Variants in FOXRED2 observed in about 807,000 individuals in gnomAD.
The protein encoded by FOXRED2 is FAD-dependent oxidoreductase domain-containing protein 2.
Under a neutral mutation model 52.5 loss-of-function variants are expected in FOXRED2, and 32 were observed. That is an observed-to-expected ratio of 0.61 (90% CI 0.46 to 0.82). The LOEUF is 0.82. Among genes scored for constraint, FOXRED2 ranks in the 40% least tolerant of loss-of-function variants. FOXRED2 has a pLI of 0.00. For synonymous variants in FOXRED2, 405 were observed against 398.1 expected, an observed-to-expected ratio of 1.02 and a Z score of -0.21; for missense variants, 848 against 937.5, an observed-to-expected ratio of 0.90 and a Z score of 1.25.
chr22:36,504,063 C>T lies in FOXRED2; in HGVS notation c.1049+35G>A, dbSNP rs764591538. ...CCTAGGGAGGGGTCAGGAGGGTTTG[C>T]TAGGAGAGCCCACCTCCTTCCGCAT... is the stretch of plus-strand genomic sequence containing the variant. On this transcript the variant is annotated intron_variant, in intron 4 of 8. Coordinates refer to ENST00000397224, the MANE Select transcript of FOXRED2 (RefSeq NM_001102371.2). The T allele has an allele frequency of 1.3e-5, 20 of 1,598,656 alleles. 1 individual carries two copies. The South Asian group carries it at 1.8e-4, about 15-fold the overall frequency.
chr22:36,500,315 C>T (rs747627988), intron 5 of FOXRED2, among the ~76,000 whole-genome samples: 3 of 152,102 alleles, frequency 2.0e-5, no homozygotes, highest in Admixed American at 1.3e-4. Context: ...GGGGTGCTGG[C>T]GGCCCTGCCA....
At chr22:36,490,969 A>G (rs1008588036) in intron 8 of FOXRED2, among the ~76,000 whole-genome samples, 1 of 152,196 alleles carries the variant, frequency 6.6e-6, no homozygotes, top group African/African-American at 2.4e-5. Flanking sequence ...CAGCCTGGCC[A>G]ACATAATGAG....
In FOXRED2 at chr22:36,506,412, G is replaced by C. The variant is rs1427882712; in HGVS notation, c.11C>G (p.Ser4Cys). MGLSAAAPLWGPPG... is the reference protein window; with the variant it reads MGLCAAAPLWGPPG... ...GGGACCCCACAACGGGGCCGCAGCG[G>C]AGAGGCCCATCCTGCAGCAGATCAG... is the stretch of plus-strand genomic sequence containing the variant. Residue 4 changes from serine to cysteine, a missense_variant, in exon 2 of 9, where the codon TCC becomes TGC. Coordinates refer to ENST00000397224, the MANE Select transcript of FOXRED2 (RefSeq NM_001102371.2). 1 of 1,436,258 alleles carries C rather than the reference G, an allele frequency of 7.0e-7. No individual in the cohort carries two copies. Among genetic ancestry groups the C allele is most frequent in the African/African-American group, 1.4e-5 (1 of 69,600 alleles). 89.0% of individuals were successfully genotyped at this position (1,436,258 alleles called of 1,614,324 possible).
chr22:36,497,111 T>G (rs1027095303), intron 6 of FOXRED2, among the ~76,000 whole-genome samples: 3 of 150,894 alleles, frequency 2.0e-5, no homozygotes, highest in Admixed American at 6.6e-5. Flanking sequence ...ACCTGGGAGG[T>G]GGGCTGCAGT....
chr22:36,506,473 A>G, intron 1 of FOXRED2, 50 bp from the exon 2 acceptor site: 1 of 1,409,096 alleles, frequency 7.1e-7, no homozygotes, highest in Non-Finnish European at 9.2e-7. Flanking sequence ...GGCGGCTGGG[A>G]GACACGAGGC....
At position 36,506,152 on chromosome 22, in the gene FOXRED2, C is replaced by T. The variant is rs767729716; in HGVS notation, c.271G>A (p.Ala91Thr). The T allele has an allele frequency of 1.2e-6, 2 of 1,614,250 alleles. No individual in the cohort carries two copies. Among genetic ancestry groups the T allele is most frequent in the South Asian group, 1.1e-5 (1 of 91,092 alleles). The change falls in exon 2 of 9, where the codon GCC becomes ACC. Residue 91 changes from alanine (A) to threonine (T), a missense_variant. By Grantham distance (58) the Ala-to-Thr change is moderately conservative. Coordinates refer to ENST00000397224, the MANE Select transcript of FOXRED2 (RefSeq NM_001102371.2). ...CAGTCGTGGCGGAGGTTGAACTCGGCGTTAGCCTTGCCCGTGTACCGCTTG... is the reference window on the plus strand; with the variant it reads ...CAGTCGTGGCGGAGGTTGAACTCGGTGTTAGCCTTGCCCGTGTACCGCTTG... Reference protein sequence around the residue: ...INKRYTGKANAEFNLRHDWNS... With the variant: ...INKRYTGKANTEFNLRHDWNS...
At chr22:36,500,209 G>A (rs899222964) in intron 5 of FOXRED2, among the ~76,000 whole-genome samples, 2 of 152,174 alleles carry the variant, frequency 1.3e-5, no homozygotes, top group African/African-American at 4.8e-5. Context: ...CCTGGGCCTT[G>A]GAGTTTAATT....
intron 8 of FOXRED2, among the ~76,000 whole-genome samples, chr22:36,491,328 C>T (rs1330976591): frequency 6.6e-6 from 1 of 151,994 alleles, no homozygotes; most frequent in Admixed American, 6.6e-5. Flanking sequence ...GCCCAAATCT[C>T]ATGTTGAAAT....
intron 5 of FOXRED2, 49 bp from the exon 6 acceptor site, chr22:36,498,205 T>C: frequency 6.4e-7 from 1 of 1,569,938 alleles, no homozygotes; most frequent in South Asian, 1.2e-5. Context: ...CCATTTTATC[T>C]CTGGTCACTG....
At chr22:36,493,850 T>C in intron 7 of FOXRED2, 47 bp from the exon 8 acceptor site, 2 of 1,569,792 alleles carry the variant, frequency 1.3e-6, no homozygotes, top group Non-Finnish European at 1.7e-6. Context: ...GAGGCTGGGC[T>C]TCCCCTCCTC....
intron 6 of FOXRED2, among the ~76,000 whole-genome samples, chr22:36,497,376 G>A (rs1933928381): frequency 6.6e-6 from 1 of 152,114 alleles, no homozygotes. Context: ...GGAGGGTGAT[G>A]CGAGGGTTTT....
At chr22:36,490,771 G>A (rs56002546) in intron 8 of FOXRED2, among the ~76,000 whole-genome samples, 7 of 152,354 alleles carry the variant, frequency 4.6e-5, no homozygotes, top group Non-Finnish European at 7.4e-5. Context: ...AAAGAAAAAC[G>A]GGTATATCCT....
Position 36,498,014 on chromosome 22 carries a change from C to T in FOXRED2, c.1359G>A (p.Leu453=). Residue 453 remains leucine, a synonymous_variant, in exon 6 of 9, where the codon CTG becomes CTA. Transcript: ENST00000397224. Reference sequence around the variant, plus strand: ...ACTCCTTCAACAGGATGACATCGGCCAGCACACCGAACATCTGGTAGAGCC... The same window carrying T: ...ACTCCTTCAACAGGATGACATCGGCTAGCACACCGAACATCTGGTAGAGCC... ...ASGLYQMFGV[L]ADVILLKENS... 1 of 1,613,990 alleles carries T rather than the reference C, an allele frequency of 6.2e-7. No individual in the cohort carries two copies. Among genetic ancestry groups the T allele is most frequent in the Non-Finnish European group, 8.5e-7 (1 of 1,179,982 alleles).
Position 36,505,881 on chromosome 22 carries a change from T to C in FOXRED2, c.527+15A>G. The stretch of plus-strand genomic sequence containing the variant: ...GGTCCCAGCTTCCGCAGGTGAGCTC[T>C]GGCACCGGCCTTACCTGCACTGATG... On this transcript the variant is annotated intron_variant, in intron 2 of 8. Transcript: ENST00000397224. The C allele has an allele frequency of 6.2e-7, 1 of 1,601,286 alleles. No individual in the cohort carries two copies. Among genetic ancestry groups the C allele is most frequent in the Non-Finnish European group, 8.6e-7 (1 of 1,169,250 alleles).
At chr22:36,503,774 C>T (rs1249899235) in intron 4 of FOXRED2, among the ~76,000 whole-genome samples, 1 of 152,254 alleles carries the variant, frequency 6.6e-6, no homozygotes, top group Non-Finnish European at 1.5e-5. Flanking sequence ...GGCACCTGTG[C>T]TCTCAGCCAC....
In FOXRED2 at chr22:36,496,072, C is replaced by T. The variant is rs755121410; in HGVS notation, c.1519G>A (p.Asp507Asn). The T allele has an allele frequency of 1.2e-5, 19 of 1,614,084 alleles. No homozygotes were observed. The highest frequency in any genetic ancestry group is 1.7e-5 in the Admixed American group (1 of 60,012). The change falls in exon 7 of 9, where the codon GAC (aspartate) becomes AAC (asparagine). Residue 507 changes from aspartate (D) to asparagine (N), a missense_variant. By Grantham distance (23) the Asp-to-Asn change is conservative (BLOSUM62 1). Coordinates refer to ENST00000397224, the MANE Select transcript of FOXRED2 (RefSeq NM_001102371.2). ...CGGTCATCAAAGAAGACGTCCTTGT[C>T]GGGGCCAGAGAAATTTCTGCCATAT... ...MEYGRNFSGP[D>N]KDVFFDDRSV...
At position 36,506,238 on chromosome 22, in the gene FOXRED2, G is replaced by A; in HGVS notation, c.185C>T (p.Ala62Val). Residue 62 changes from alanine to valine, a missense_variant, in exon 2 of 9, where the codon GCC (alanine) becomes GTC (valine). Ala to Val is a moderately conservative substitution (Grantham distance 64, BLOSUM62 0). Coordinates refer to ENST00000397224, the MANE Select transcript of FOXRED2 (RefSeq NM_001102371.2). ...TGTGAAGAAGCTGCCGGGCCGCGGG[G>A]CCCGCTCGAACACTGCGTAGTCGCG... The part of the protein sequence containing the change: ...AGRDYAVFER[A>V]PRPGSFFTRY... The A allele has an allele frequency of 1.9e-6, 3 of 1,613,518 alleles. No individual in the cohort carries two copies. The highest frequency in any genetic ancestry group is 2.5e-6 in the Non-Finnish European group (3 of 1,179,852).
Position 36,501,231 on chromosome 22 carries a change from C to A in FOXRED2, c.1216+10G>T. On this transcript the variant is annotated intron_variant, in intron 5 of 8. Transcript: ENST00000397224. ...TCTGGGGACAGTTCTGCCTTCTCAG[C>A]TGGGCTCACCTGTGTATCGGAATCC... 1 of 1,613,530 alleles carries A rather than the reference C, an allele frequency of 6.2e-7. No homozygotes were observed. The highest frequency in any genetic ancestry group is 8.5e-7 in the Non-Finnish European group (1 of 1,179,860).
chr22:36,496,208 C>A lies in FOXRED2; in HGVS notation c.1383G>T (p.Glu461Asp). 1 of 1,613,526 alleles carries A rather than the reference C, an allele frequency of 6.2e-7. No homozygotes were observed. Among genetic ancestry groups the A allele is most frequent in the South Asian group, 1.1e-5 (1 of 91,038 alleles). ...GVLADVILLK[E>D]NSTAFEYLEE... The stretch of plus-strand genomic sequence containing the variant: ...CCAGGTACTCAAAGGCCGTGGAATT[C>A]CTGGGAGAACAGCAACGCGGGGGAG... The change falls in exon 7 of 9, where the codon GAG (glutamate) becomes GAT (aspartate). Residue 461 changes from glutamate (E) to aspartate (D), a missense_variant and splice_region_variant. Physicochemically the swap from Glu to Asp is conservative, Grantham distance 45. Coordinates refer to ENST00000397224, the MANE Select transcript of FOXRED2 (RefSeq NM_001102371.2).
Sources: allele counts gnomAD v4.1 joint callset (sites outside exome capture counted in the v4.1 genomes callset), GRCh38; gene constraint gnomAD v4.1.1; transcripts MANE v1.5; gene names NCBI Gene and HGNC (gene_info 2026-07-23, HGNC 2026-07-21).